The following CBLB variants were observed in gnomAD, a reference collection of about 807,000 sequenced individuals.
The protein encoded by CBLB is E3 ubiquitin-protein ligase CBL-B.
CBLB carries 31 observed loss-of-function variants against 104.9 expected under a neutral mutation model. That is an observed-to-expected ratio of 0.30 (90% CI 0.22 to 0.40). The LOEUF (loss-of-function observed/expected upper bound fraction) is 0.40. Ranked by LOEUF, CBLB falls within the 10% of genes least tolerant of loss-of-function variation. The pLI, the probability that CBLB is intolerant of heterozygous loss-of-function variation, is 1.00. For synonymous variants in CBLB, 440 were observed against 422.6 expected (o/e 1.04, Z -0.51); for missense variants, 1,062 against 1,214.6 (o/e 0.87, Z 1.87).
At chr3:105,695,445 A>G (rs1576402491) in intron 12 of CBLB, among the ~76,000 whole-genome samples, 2 of 151,968 alleles carry the variant, frequency 1.3e-5, no homozygotes, top group East Asian at 3.9e-4. Context: ...CAGAGTTTGC[A>G]TATTTTTATG....
chr3:105,762,631 AG>A (rs2077761545), intron 4 of CBLB, among the ~76,000 whole-genome samples: 1 of 152,262 alleles, frequency 6.6e-6, no homozygotes, highest in Non-Finnish European at 1.5e-5. Context: ...CCTAGATTTC[AG>A]AAGATGTATG....
chr3:105,678,350 T>C (rs1165745199), intron 17 of CBLB, 81 bp downstream of exon 17: 5 of 1,355,120 alleles, frequency 3.7e-6, no homozygotes, highest in Non-Finnish European at 5.3e-6. Flanking sequence ...GACTAATGAA[T>C]CACTAACATT....
At chr3:105,739,581 G>C (rs1424735947) in intron 7 of CBLB, among the ~76,000 whole-genome samples, 1 of 152,024 alleles carries the variant, frequency 6.6e-6, no homozygotes, top group Non-Finnish European at 1.5e-5. Context: ...TGGAGTGAGT[G>C]GGGGAGAATT....
At chr3:105,680,871 C>G (rs3732554) in intron 16 of CBLB, 22,331 of 152,684 alleles carry the variant, frequency 0.15, 1,809 homozygotes, top group Non-Finnish European at 0.18. Flanking sequence ...TTAACAGTGA[C>G]AGTGGCACCA....
chr3:105,732,292 G>A (rs1431624420), intron 9 of CBLB, among the ~76,000 whole-genome samples: 1 of 152,120 alleles, frequency 6.6e-6, no homozygotes, highest in African/African-American at 2.4e-5. Context: ...TTTATTGAAT[G>A]TAGTTTAAAA....
At chr3:105,702,491 A>AC (rs1553727090) in intron 11 of CBLB, 32 bp from the exon 12 acceptor site, 7 of 1,477,690 alleles carry the variant, frequency 4.7e-6, no homozygotes, top group African/African-American at 2.9e-5. Context: ...AAAAAAAAAA[A>AC]AAAAAAAACT....
intron 16 of CBLB, among the ~76,000 whole-genome samples, chr3:105,680,056 A>G (rs2066128244): frequency 6.6e-6 from 1 of 152,186 alleles, no homozygotes; most frequent in African/African-American, 2.4e-5. Context: ...CTTAAAAAAA[A>G]GCTCACAAAT....
In CBLB at chr3:105,815,155, T is replaced by C. The variant is rs76300362; in HGVS notation, c.419+38259A>G. On this transcript the variant is annotated intron_variant, in intron 3 of 18. Transcript: ENST00000394030. Reference sequence around the variant, plus strand: ...TGCATTTTCATGCAAAATCATACTGTCTTTTGTAAACCTACATTATTGCCC... The same window carrying C: ...TGCATTTTCATGCAAAATCATACTGCCTTTTGTAAACCTACATTATTGCCC... Among the ~76,000 whole-genome samples, 114 of 152,280 alleles carry C rather than the reference T, an allele frequency of 7.5e-4. 1 individual carries two copies. The East Asian group carries it at 0.021, about 29-fold the overall frequency.
chr3:105,685,505 A>G, intron 13 of CBLB, 39 bp from the exon 14 acceptor site: 1 of 1,569,144 alleles, frequency 6.4e-7, no homozygotes, highest in African/African-American at 1.4e-5. Context: ...TTTAAGCATA[A>G]TATTCAAAAC....
chr3:105,745,400 G>C (rs1020589910), intron 6 of CBLB, among the ~76,000 whole-genome samples: 1 of 152,144 alleles, frequency 6.6e-6, no homozygotes, highest in Non-Finnish European at 1.5e-5. Context: ...AATAAAACAC[G>C]AGGCATTATG....
At position 105,658,934 on chromosome 3, in the gene CBLB, G is replaced by A. The variant is rs767960003; in HGVS notation, c.*36C>T. 22 of 1,603,698 alleles carry A rather than the reference G, an allele frequency of 1.4e-5. No homozygotes were observed. The highest frequency in any genetic ancestry group is 1.7e-5 in the Non-Finnish European group (20 of 1,171,306). On this transcript the variant is annotated 3_prime_UTR_variant, in exon 19 of 19. Transcript: ENST00000394030. ...TATTTCCACACTCTTGGAATACATC[G>A]ATTGCTTTCCATTTTGGTGTCTACA...
In CBLB at chr3:105,786,268, TTTTC is replaced by T. The variant is rs199922386; in HGVS notation, c.420-9730_420-9727del. Among the ~76,000 whole-genome samples, 1,065 of 152,260 alleles carry T rather than the reference TTTTC, an allele frequency of 7.0e-3. 9 individuals carry two copies. Among genetic ancestry groups the T allele is most frequent in the South Asian group, 0.019 (90 of 4,816 alleles). ...CTCTGGTTAGTAGAATTACTATGGT[TTTTC>T]TTTCTTTTATTCTTTAAATTGCCCT... On this transcript the variant is annotated intron_variant, in intron 3 of 18. Transcript: ENST00000394030.
At chr3:105,773,813 T>A (rs1194577746) in intron 4 of CBLB, among the ~76,000 whole-genome samples, 1 of 152,212 alleles carries the variant, frequency 6.6e-6, no homozygotes, top group Non-Finnish European at 1.5e-5. Flanking sequence ...ATGACTGCAT[T>A]GTTAAAATAT....
intron 7 of CBLB, among the ~76,000 whole-genome samples, chr3:105,738,876 GTAAT>G (rs1019856977): frequency 6.6e-6 from 1 of 152,058 alleles, no homozygotes; most frequent in Non-Finnish European, 1.5e-5. Context: ...CAATTACTAT[GTAAT>G]TAATTTATTG....
chr3:105,761,803 T>C lies in CBLB; in HGVS notation c.567-10185A>G, dbSNP rs62261494. Among the ~76,000 whole-genome samples, 1,323 of 151,732 alleles carry C rather than the reference T, an allele frequency of 8.7e-3. 11 individuals carry two copies. Among genetic ancestry groups the C allele is most frequent in the South Asian group, 0.018 (87 of 4,796 alleles). ...TTTGGAACTGGATAACAGGGAGAGG[T>C]TGGAACAGTTTGGAGGGCTCAGAAG... On this transcript the variant is annotated intron_variant, in intron 4 of 18. Transcript: ENST00000394030.
chr3:105,799,036 G>C (rs1397392547), intron 3 of CBLB, among the ~76,000 whole-genome samples: 1 of 152,080 alleles, frequency 6.6e-6, no homozygotes, highest in Admixed American at 6.6e-5. Flanking sequence ...ATGACAATTA[G>C]TTGCTAATCC....
At chr3:105,860,279 A>G (rs1452839267) in intron 2 of CBLB, among the ~76,000 whole-genome samples, 1 of 152,252 alleles carries the variant, frequency 6.6e-6, no homozygotes, top group Non-Finnish European at 1.5e-5. Context: ...CAGGAAAATT[A>G]TATTACAAAT....
intron 3 of CBLB, among the ~76,000 whole-genome samples, chr3:105,820,398 A>C (rs185190764): frequency 1.7e-3 from 256 of 152,316 alleles, no homozygotes; most frequent in African/African-American, 4.9e-3. Flanking sequence ...TTCAGAAAGA[A>C]GCAGCTAGCA....
At chr3:105,775,941 C>T (rs899990836) in intron 4 of CBLB, among the ~76,000 whole-genome samples, 13 of 152,208 alleles carry the variant, frequency 8.5e-5, no homozygotes, top group Non-Finnish European at 1.5e-4. Flanking sequence ...CCAAGCTTAA[C>T]ATACCACCTC....
Sources: allele counts gnomAD v4.1 joint callset (sites outside exome capture counted in the v4.1 genomes callset), GRCh38; gene constraint gnomAD v4.1.1; transcripts MANE v1.5; gene names NCBI Gene and HGNC (gene_info 2026-07-23, HGNC 2026-07-21).